Variants in NALF1 observed in about 807,000 individuals in gnomAD.
The protein encoded by NALF1 is family with sequence similarity 155 member A.
A neutral mutation model predicts 48.4 loss-of-function variants in NALF1; 3 were observed. The ratio of observed to expected loss-of-function variants is 0.06; its 90% CI spans 0.03 to 0.16. NALF1 has a LOEUF of 0.16. Ranked by LOEUF, NALF1 falls within the 10% of genes least tolerant of loss-of-function variation. NALF1 has a pLI of 1.00. For synonymous variants in NALF1, 262 were observed against 245.7 expected (o/e 1.07, Z -0.62); for missense variants, 526 against 571.5 (o/e 0.92, Z 0.81).
chr13:107,730,518 T>C (rs144792831), intron 1 of NALF1, among the ~76,000 whole-genome samples: 5 of 152,348 alleles, frequency 3.3e-5, no homozygotes, highest in Admixed American at 1.3e-4. Flanking sequence ...ATTTAATTTA[T>C]TGGCTGGAAT....
At chr13:107,860,345 G>A (rs540272536) in intron 1 of NALF1, among the ~76,000 whole-genome samples, 1 of 152,270 alleles carries the variant, frequency 6.6e-6, no homozygotes, top group Admixed American at 6.5e-5. Flanking sequence ...TTGAGCAAAT[G>A]GGATTATGAT....
chr13:107,442,749 G>T (rs1884581281), intron 1 of NALF1, among the ~76,000 whole-genome samples: 1 of 152,122 alleles, frequency 6.6e-6, no homozygotes, highest in Admixed American at 6.5e-5. Context: ...TATTAAAAAG[G>T]TTTTAAGTCA....
chr13:107,348,236 CT>C (rs1293511472), intron 1 of NALF1, among the ~76,000 whole-genome samples: 1 of 152,128 alleles, frequency 6.6e-6, no homozygotes, highest in African/African-American at 2.4e-5. Flanking sequence ...AATCAAGTTA[CT>C]GTGTACTTTA....
intron 1 of NALF1, among the ~76,000 whole-genome samples, chr13:107,627,024 C>A (rs1473185766): frequency 6.6e-6 from 1 of 152,030 alleles, no homozygotes; most frequent in Admixed American, 6.6e-5. Context: ...TGACATTATA[C>A]AAGGAGCAAT....
intron 1 of NALF1, among the ~76,000 whole-genome samples, chr13:107,231,452 C>A (rs189365471): frequency 2.0e-4 from 31 of 152,272 alleles, no homozygotes; most frequent in Admixed American, 3.9e-4. Context: ...CCAACCCGTG[C>A]TGTGAATAAT....
chr13:107,626,319 T>C (rs756438937), intron 1 of NALF1, among the ~76,000 whole-genome samples: 1 of 151,934 alleles, frequency 6.6e-6, no homozygotes, highest in Non-Finnish European at 1.5e-5. Flanking sequence ...TTGGTAGAAA[T>C]ACAAATTAGT....
chr13:107,288,729 C>T (rs999939423), intron 1 of NALF1, among the ~76,000 whole-genome samples: 2 of 151,448 alleles, frequency 1.3e-5, no homozygotes, highest in African/African-American at 2.4e-5. Context: ...GTCGGGGTTT[C>T]GCCATGTTGG....
chr13:107,536,798 T>A (rs1876833019), intron 1 of NALF1, among the ~76,000 whole-genome samples: 1 of 152,304 alleles, frequency 6.6e-6, no homozygotes, highest in East Asian at 1.9e-4. Flanking sequence ...ACTGCAGCAC[T>A]ATTCACAATA....
At chr13:107,605,566 GA>G (rs570776309) in intron 1 of NALF1, among the ~76,000 whole-genome samples, 4 of 150,018 alleles carry the variant, frequency 2.7e-5, no homozygotes, top group East Asian at 3.9e-4. Context: ...GGTTTCACAG[GA>G]AAAAAAAAGA....
intron 1 of NALF1, among the ~76,000 whole-genome samples, chr13:107,484,559 A>G (rs1885299281): frequency 1.3e-5 from 2 of 152,074 alleles, no homozygotes; most frequent in South Asian, 4.1e-4. Flanking sequence ...GCTTTTTACC[A>G]CCCATCTTTG....
chr13:107,406,694 G>T (rs1883905617), intron 1 of NALF1, among the ~76,000 whole-genome samples: 1 of 151,368 alleles, frequency 6.6e-6, no homozygotes, highest in Non-Finnish European at 1.5e-5. Flanking sequence ...AATTTATATG[G>T]AACCATCTCT....
At chr13:107,612,107 A>G (rs1157005005) in intron 1 of NALF1, among the ~76,000 whole-genome samples, 3 of 29,090 alleles carry the variant, frequency 1.0e-4, no homozygotes, top group Non-Finnish European at 1.2e-4. Context: ...AGGGGGAGGG[A>G]GGAAGGGGAG....
Position 107,236,671 on chromosome 13 carries a change from GTCTATCTATCTATCTATCTATCTATCTA to G in NALF1, c.916-25944_916-25917del, listed in dbSNP as rs72391192. ...GCACTATCTATCTATCCATCTGTCT[GTCTATCTATCTATCTATCTATCTATCTA>G]TCTATCTATCTATCTATCTATCTAT... On this transcript the variant is annotated intron_variant, in intron 1 of 2. Transcript: ENST00000375915. Among the ~76,000 whole-genome samples, 1,159 of 140,720 alleles carry G rather than the reference GTCTATCTATCTATCTATCTATCTATCTA, an allele frequency of 8.2e-3. 17 individuals carry two copies. Among genetic ancestry groups the G allele is most frequent in the African/African-American group, 0.03 (1,106 of 37,420 alleles). The allele number at this position is 140,720 out of a possible 152,430, so 92.3% of individuals were successfully genotyped here. A position where few individuals can be genotyped will look rare whatever the true frequency, so the allele number is the denominator to read the frequency against.
chr13:107,529,292 C>T (rs1288505383), intron 1 of NALF1, among the ~76,000 whole-genome samples: 2 of 152,092 alleles, frequency 1.3e-5, no homozygotes, highest in Admixed American at 6.6e-5. Context: ...GAGACCATAG[C>T]TCTGGTATTA....
chr13:107,755,352 T>G (rs1877064359), intron 1 of NALF1, among the ~76,000 whole-genome samples: 1 of 152,092 alleles, frequency 6.6e-6, no homozygotes, highest in South Asian at 2.1e-4. Context: ...GGCCTCTTAA[T>G]TTTTGGTGTC....
At position 107,201,884 on chromosome 13, in the gene NALF1, C is replaced by T. The variant is rs12429078; in HGVS notation, c.1087+8700G>A. The stretch of plus-strand genomic sequence containing the variant: ...AGCTATTAGTGAAGGTTGCCATGAG[C>T]CTTACTTTCTGGCAGGAGTGAGTTT... On this transcript the variant is annotated intron_variant, in intron 2 of 2. Coordinates refer to ENST00000375915, the MANE Select transcript of NALF1 (RefSeq NM_001080396.3). Among the ~76,000 whole-genome samples, 312 of 152,210 alleles carry T rather than the reference C, an allele frequency of 2.0e-3. 4 individuals carry two copies. Among genetic ancestry groups the T allele is most frequent in the Admixed American group, 0.019 (294 of 15,288 alleles).
intron 1 of NALF1, among the ~76,000 whole-genome samples, chr13:107,375,152 T>C (rs1454816865): frequency 2.6e-5 from 4 of 152,160 alleles, no homozygotes; most frequent in Admixed American, 6.6e-5. Context: ...GCAACTATTA[T>C]CCAAAGAATA....
chr13:107,518,394 G>C (rs189194162), intron 1 of NALF1, among the ~76,000 whole-genome samples: 44 of 152,258 alleles, frequency 2.9e-4, no homozygotes, highest in Non-Finnish European at 5.4e-4. Context: ...TTTGAGGGGT[G>C]AGAGGAGTTT....
At chr13:107,804,129 C>A (rs1186702847) in intron 1 of NALF1, among the ~76,000 whole-genome samples, 10 of 152,174 alleles carry the variant, frequency 6.6e-5, no homozygotes, top group Non-Finnish European at 1.2e-4. Context: ...TAAAATCCTG[C>A]CTACAAGTGC....
Sources: allele counts gnomAD v4.1 joint callset (sites outside exome capture counted in the v4.1 genomes callset), GRCh38; gene constraint gnomAD v4.1.1; transcripts MANE v1.5; gene names NCBI Gene and HGNC (gene_info 2026-07-23, HGNC 2026-07-21).